The following TRIM33 variants were observed in gnomAD, a reference collection of about 807,000 sequenced individuals.
TRIM33 encodes the protein tripartite motif containing 33.
A neutral mutation model predicts 125.4 loss-of-function variants in TRIM33; 20 were observed. That is an observed-to-expected ratio of 0.16 (90% CI 0.11 to 0.23). TRIM33 has a LOEUF of 0.23. Among genes scored for constraint, TRIM33 ranks in the 10% least tolerant of loss-of-function variants. The probability of loss-of-function intolerance (pLI) is 1.00; values close to 1 mark genes in which losing one functional copy is unlikely to be tolerated. For missense variants in TRIM33, 920 were observed against 1,411.4 expected (o/e 0.65, Z 5.58); for synonymous variants, 564 against 513.9 (o/e 1.10, Z -1.32).
intron 1 of TRIM33, among the ~76,000 whole-genome samples, chr1:114,503,253 G>C (rs974901101): frequency 6.6e-6 from 1 of 152,152 alleles, no homozygotes; most frequent in African/African-American, 2.4e-5. Context: ...GGCTGAGGTG[G>C]GCAGATCAAC....
At chr1:114,425,748 T>G (rs375530623) in intron 8 of TRIM33, 25 bp from the exon 9 acceptor site, 14 of 1,527,248 alleles carry the variant, frequency 9.2e-6, no homozygotes, top group Non-Finnish European at 1.2e-5. Context: ...AAATGAGAAT[T>G]TGCATATAAT....
intron 10 of TRIM33, among the ~76,000 whole-genome samples, chr1:114,423,177 T>C (rs753904574): frequency 6.6e-6 from 1 of 152,218 alleles, no homozygotes; most frequent in Non-Finnish European, 1.5e-5. Context: ...ATTGTGGAGA[T>C]ATAACGATAA....
chr1:114,426,422 G>A (rs1256396342), intron 8 of TRIM33, among the ~76,000 whole-genome samples: 4 of 151,372 alleles, frequency 2.6e-5, no homozygotes, highest in Admixed American at 6.6e-5. Context: ...TAGCTACTAC[G>A]TCACACAAAA....
At chr1:114,438,165 T>C (rs995917487) in intron 4 of TRIM33, among the ~76,000 whole-genome samples, 4 of 152,226 alleles carry the variant, frequency 2.6e-5, no homozygotes, top group African/African-American at 9.7e-5. Context: ...TGTGCCCTAC[T>C]ACTCTACTTG....
In TRIM33 at chr1:114,501,976, T is replaced by C. The variant is rs557838638; in HGVS notation, c.526+8575A>G. On this transcript the variant is annotated intron_variant, in intron 1 of 19. Coordinates refer to ENST00000358465, the MANE Select transcript of TRIM33 (RefSeq NM_015906.4). ...TCCCCTTGAGTCAAATGGCTAGGGA[T>C]AGATGTGCAATTTGTGGCCAAAGAA... Among the ~76,000 whole-genome samples, 126 of 152,190 alleles carry C rather than the reference T, an allele frequency of 8.3e-4. 1 individual carries two copies. Among genetic ancestry groups the C allele is most frequent in the Admixed American group, 1.2e-3 (19 of 15,280 alleles).
intron 4 of TRIM33, among the ~76,000 whole-genome samples, chr1:114,454,247 T>A (rs1649497460): frequency 6.6e-6 from 1 of 152,082 alleles, no homozygotes; most frequent in South Asian, 2.1e-4. Context: ...AACCTTTAAT[T>A]CTTGGATGGG....
intron 1 of TRIM33, among the ~76,000 whole-genome samples, chr1:114,481,507 C>T (rs1651329453): frequency 6.6e-6 from 1 of 150,804 alleles, no homozygotes; most frequent in African/African-American, 2.4e-5. Context: ...AGGAGAATCG[C>T]CTGAATCTGG....
chr1:114,505,269 T>G (rs1652928269), intron 1 of TRIM33, among the ~76,000 whole-genome samples: 1 of 152,114 alleles, frequency 6.6e-6, no homozygotes. Context: ...TACCACATGA[T>G]CATTCAAACA....
chr1:114,495,039 G>A (rs1488868240), intron 1 of TRIM33, among the ~76,000 whole-genome samples: 3 of 151,990 alleles, frequency 2.0e-5, no homozygotes, highest in South Asian at 2.1e-4. Context: ...TCAGCCTCCC[G>A]GGTAGCTGGG....
intron 4 of TRIM33, among the ~76,000 whole-genome samples, chr1:114,450,269 G>A (rs1649230867): frequency 6.6e-6 from 1 of 152,072 alleles, no homozygotes; most frequent in African/African-American, 2.4e-5. Flanking sequence ...CAAAAAAAGA[G>A]AATACTAGAT....
chr1:114,473,970 C>T (rs1208898412), intron 1 of TRIM33, among the ~76,000 whole-genome samples: 1 of 152,134 alleles, frequency 6.6e-6, no homozygotes, highest in Admixed American at 6.5e-5. Context: ...TGCAGTGGCG[C>T]TCACTGCAGC....
intron 4 of TRIM33, among the ~76,000 whole-genome samples, chr1:114,452,254 G>A (rs1479260234): frequency 6.6e-6 from 1 of 152,116 alleles, no homozygotes. Flanking sequence ...GAGGTCGAGA[G>A]ATTGAGACCA....
intron 1 of TRIM33, among the ~76,000 whole-genome samples, chr1:114,507,664 A>G (rs941523936): frequency 6.6e-6 from 1 of 152,264 alleles, no homozygotes; most frequent in African/African-American, 2.4e-5. Flanking sequence ...GGACAAAAAC[A>G]GTATGAACTT....
intron 1 of TRIM33, among the ~76,000 whole-genome samples, chr1:114,466,360 A>G (rs1227908728): frequency 6.6e-6 from 1 of 152,180 alleles, no homozygotes; most frequent in Non-Finnish European, 1.5e-5. Context: ...AGTGTGCAAG[A>G]AAGGGTTTAT....
chr1:114,502,808 G>A (rs1202464282), intron 1 of TRIM33, among the ~76,000 whole-genome samples: 4 of 152,016 alleles, frequency 2.6e-5, no homozygotes, highest in Admixed American at 2.0e-4. Flanking sequence ...TGTCCGGCAC[G>A]ACAGGTTTAA....
intron 1 of TRIM33, among the ~76,000 whole-genome samples, chr1:114,465,511 A>C (rs528075731): frequency 1.3e-5 from 2 of 152,278 alleles, no homozygotes; most frequent in South Asian, 4.1e-4. Context: ...CATAAATAAA[A>C]CTTATCACTC....
intron 1 of TRIM33, among the ~76,000 whole-genome samples, chr1:114,498,021 C>T (rs1211021453): frequency 2.0e-5 from 3 of 150,086 alleles, no homozygotes; most frequent in African/African-American, 7.4e-5. Context: ...CCAGCTACTC[C>T]AGAGGCTGAG....
At chr1:114,460,573 CTTTTTTTTTT>C (rs35612978) in intron 4 of TRIM33, among the ~76,000 whole-genome samples, 8 of 64,470 alleles carry the variant, frequency 1.2e-4, no homozygotes, top group South Asian at 9.2e-4. Flanking sequence ...CCCCCGCCAC[CTTTTTTTTTT>C]TTTTTTTTTT....
At chr1:114,402,511 T>C (rs1259933843) in intron 16 of TRIM33, among the ~76,000 whole-genome samples, 2 of 152,082 alleles carry the variant, frequency 1.3e-5, no homozygotes. Context: ...GTTTTGTGCT[T>C]GGAGGGAGAG....
Sources: gnomAD v4.1 joint callset for allele counts (sites outside exome capture counted in the v4.1 genomes callset) on GRCh38, gnomAD v4.1.1 for gene constraint, MANE v1.5 for transcripts, NCBI Gene and HGNC (gene_info 2026-07-23, HGNC 2026-07-21) for gene names.